Variants in TOX observed in about 807,000 individuals in gnomAD.
TOX encodes thymocyte selection-associated high mobility group box protein TOX.
Under a neutral mutation model 53.7 loss-of-function variants are expected in TOX, and 11 were observed. The observed-to-expected ratio is 0.20, with a 90% CI of 0.13 to 0.34. The LOEUF (loss-of-function observed/expected upper bound fraction) is 0.34. Ranked by LOEUF, TOX falls within the 10% of genes least tolerant of loss-of-function variation. The probability of loss-of-function intolerance (pLI) is 1.00; values close to 1 mark genes in which losing one functional copy is unlikely to be tolerated. For synonymous variants in TOX, 225 were observed against 245.3 expected, an observed-to-expected ratio of 0.92 and a Z score of 0.77; for missense variants, 570 against 664.6, an observed-to-expected ratio of 0.86 and a Z score of 1.56.
At position 58,815,591 on chromosome 8, in the gene TOX, C is replaced by T; in HGVS notation, c.1139G>A (p.Gly380Glu). Reference protein sequence around the residue: ...YLSSHYHQQPGMNPHLTAMHP... With the variant: ...YLSSHYHQQPEMNPHLTAMHP... ...CATGGCAGTTAGGTGAGGATTCATT[C>T]CCGGTTGTTGGTGATAGTGGGAACT... is the stretch of plus-strand genomic sequence containing the variant. Residue 380 changes from glycine to glutamate, a missense_variant, in exon 7 of 9, where the codon GGA becomes GAA. Physicochemically the swap from Gly to Glu is moderately conservative, Grantham distance 98. Transcript: ENST00000361421. 1 of 1,614,066 alleles carries T rather than the reference C, an allele frequency of 6.2e-7. No homozygotes were observed. Among genetic ancestry groups the T allele is most frequent in the South Asian group, 1.1e-5 (1 of 91,064 alleles).
intron 1 of TOX, among the ~76,000 whole-genome samples, chr8:58,975,271 C>CAGAG (rs373607496): frequency 2.0e-5 from 3 of 149,100 alleles, no homozygotes; most frequent in East Asian, 3.9e-4. Context: ...CACCCCCACA[C>CAGAG]AGAGAGAGAG....
chr8:59,029,575 A>G (rs1814314310), intron 1 of TOX, among the ~76,000 whole-genome samples: 2 of 152,180 alleles, frequency 1.3e-5, no homozygotes, highest in South Asian at 4.1e-4. Context: ...TCCCAATTTT[A>G]CAGACAAGGT....
intron 5 of TOX, among the ~76,000 whole-genome samples, chr8:58,837,477 T>C (rs1212797307): frequency 1.3e-5 from 2 of 152,156 alleles, no homozygotes; most frequent in Non-Finnish European, 2.9e-5. Context: ...GCTGTGTCCG[T>C]GGTATCTCAC....
intron 2 of TOX, among the ~76,000 whole-genome samples, chr8:58,951,167 C>T (rs1460694129): frequency 6.6e-6 from 1 of 152,104 alleles, no homozygotes; most frequent in East Asian, 1.9e-4. Flanking sequence ...AGCCTTAGAC[C>T]TTCCAAGGTC....
chr8:59,004,888 T>G (rs1053104146), intron 1 of TOX, among the ~76,000 whole-genome samples: 1 of 152,222 alleles, frequency 6.6e-6, no homozygotes, highest in African/African-American at 2.4e-5. Context: ...ACAATGCCTG[T>G]TCGCACATCC....
chr8:58,910,459 T>A (rs1421945883), intron 3 of TOX, among the ~76,000 whole-genome samples: 1 of 152,200 alleles, frequency 6.6e-6, no homozygotes, highest in Non-Finnish European at 1.5e-5. Context: ...TAATGGATCC[T>A]GTGTGAACAG....
chr8:58,994,566 G>A (rs1813524428), intron 1 of TOX, among the ~76,000 whole-genome samples: 1 of 152,068 alleles, frequency 6.6e-6, no homozygotes, highest in Non-Finnish European at 1.5e-5. Flanking sequence ...ATTTCCTAAT[G>A]ATACCCAATG....
Position 58,935,193 on chromosome 8 carries a change from G to C in TOX, c.411+4109C>G, listed in dbSNP as rs192527388. 7.9e-5 allele frequency among the ~76,000 whole-genome samples: 12 copies of C among 151,956 alleles called. No individual in the cohort carries two copies. The East Asian group carries it at 1.7e-3, about 22-fold the overall frequency. On this transcript the variant is annotated intron_variant, in intron 3 of 8. Coordinates refer to ENST00000361421, the MANE Select transcript of TOX (RefSeq NM_014729.3). ...ATACATTATAATAATTGATATATAA[G>C]TAACACATCTATAATATCTCATAAT...
At chr8:58,867,665 G>A (rs1171416259) in intron 3 of TOX, among the ~76,000 whole-genome samples, 1 of 152,214 alleles carries the variant, frequency 6.6e-6, no homozygotes, top group East Asian at 1.9e-4. Context: ...AAGTTCTGAG[G>A]AGGGGCCTGA....
At chr8:58,915,665 G>A (rs1365138091) in intron 3 of TOX, among the ~76,000 whole-genome samples, 4 of 149,916 alleles carry the variant, frequency 2.7e-5, no homozygotes, top group African/African-American at 9.8e-5. Flanking sequence ...CCAAAGGAAC[G>A]CAGTTCCTCA....
At chr8:59,089,677 T>A (rs1804573897) in intron 1 of TOX, among the ~76,000 whole-genome samples, 2 of 152,202 alleles carry the variant, frequency 1.3e-5, no homozygotes, top group South Asian at 4.1e-4. Flanking sequence ...GCAGCCTCAA[T>A]CTCCTGGGCT....
chr8:58,891,688 A>G (rs6415583), intron 3 of TOX, among the ~76,000 whole-genome samples: 98,365 of 152,110 alleles, frequency 0.65, 32,339 homozygotes, highest in African/African-American at 0.77. Flanking sequence ...TCATGAAATG[A>G]AAGTTAAGCT....
At chr8:59,068,253 AT>A (rs1804130560) in intron 1 of TOX, among the ~76,000 whole-genome samples, 1 of 152,188 alleles carries the variant, frequency 6.6e-6, no homozygotes, top group African/African-American at 2.4e-5. Context: ...CAGAAAAAAA[AT>A]AATATTTTCC....
intron 2 of TOX, among the ~76,000 whole-genome samples, chr8:58,944,751 G>T (rs918650966): frequency 6.6e-6 from 1 of 152,180 alleles, no homozygotes; most frequent in Non-Finnish European, 1.5e-5. Context: ...GCTTTATATA[G>T]CTACGGTTAC....
At chr8:58,870,161 G>A (rs1811173938) in intron 3 of TOX, among the ~76,000 whole-genome samples, 2 of 152,004 alleles carry the variant, frequency 1.3e-5, no homozygotes, top group South Asian at 4.1e-4. Flanking sequence ...TGACATAATT[G>A]TCTATGTAGA....
At chr8:59,061,100 T>C (rs1413545745) in intron 1 of TOX, among the ~76,000 whole-genome samples, 2 of 152,156 alleles carry the variant, frequency 1.3e-5, no homozygotes, top group East Asian at 3.8e-4. Context: ...TACCAAGAGA[T>C]TGTACGGTAA....
intron 1 of TOX, among the ~76,000 whole-genome samples, chr8:59,023,186 T>A (rs535610878): frequency 7.2e-5 from 11 of 152,194 alleles, no homozygotes; most frequent in Non-Finnish European, 1.0e-4. Flanking sequence ...GCTTAGCTTA[T>A]GTGTGTTCAG....
At chr8:59,046,503 T>C (rs1340668639) in intron 1 of TOX, among the ~76,000 whole-genome samples, 3 of 152,180 alleles carry the variant, frequency 2.0e-5, no homozygotes, top group African/African-American at 7.2e-5. Flanking sequence ...AAAGGGTTCA[T>C]AATTTACAAA....
At chr8:58,865,068 T>A (rs1411780083) in intron 3 of TOX, among the ~76,000 whole-genome samples, 2 of 152,160 alleles carry the variant, frequency 1.3e-5, no homozygotes, top group Non-Finnish European at 2.9e-5. Context: ...TTAAGTGGCA[T>A]CTCTCCCATG....
Sources: allele counts gnomAD v4.1 joint callset (sites outside exome capture counted in the v4.1 genomes callset), GRCh38; gene constraint gnomAD v4.1.1; transcripts MANE v1.5; gene names NCBI Gene and HGNC (gene_info 2026-07-23, HGNC 2026-07-21).